SEMA3A: variants seen among roughly 807,000 people sequenced by gnomAD.
SEMA3A encodes the protein semaphorin 3A.
SEMA3A carries 29 observed loss-of-function variants against 97.9 expected under a neutral mutation model. The ratio of observed to expected loss-of-function variants is 0.30; its 90% CI spans 0.22 to 0.40. The LOEUF is 0.40. Ranked by LOEUF, SEMA3A falls within the 10% of genes least tolerant of loss-of-function variation. The pLI is 1.00. For synonymous variants in SEMA3A, 321 were observed against 323.7 expected (o/e 0.99, Z 0.09); for missense variants, 763 against 951.3 (o/e 0.80, Z 2.60).
intron 10 of SEMA3A, 149 bp downstream of exon 10, chr7:84,007,204 T>C: frequency 5.5e-6 from 3 of 541,486 alleles, no homozygotes; most frequent in Non-Finnish European, 5.8e-6. Flanking sequence ...CATTCAATCA[T>C]GGAAAATCTT....
At chr7:84,396,327 T>A (rs201501540) in intron 1 of SEMA3A, among the ~76,000 whole-genome samples, 2 of 150,378 alleles carry the variant, frequency 1.3e-5, no homozygotes, top group African/African-American at 2.4e-5. Flanking sequence ...CAAAATATAT[T>A]ATATTATAAT....
chr7:84,054,214 T>G, intron 5 of SEMA3A, among the ~76,000 whole-genome samples: 1 of 152,246 alleles, frequency 6.6e-6, no homozygotes, highest in Non-Finnish European at 1.5e-5. Context: ...TCTCGAGGAG[T>G]ATCTTTGTGG....
intron 3 of SEMA3A, among the ~76,000 whole-genome samples, chr7:84,268,259 G>A (rs1365338398): frequency 6.7e-6 from 1 of 150,298 alleles, no homozygotes; most frequent in East Asian, 2.0e-4. Flanking sequence ...ATGTGTGTGT[G>A]TGTGTGTGTG....
intron 3 of SEMA3A, among the ~76,000 whole-genome samples, chr7:84,211,503 C>T (rs1798627740): frequency 6.6e-6 from 1 of 151,574 alleles, no homozygotes; most frequent in South Asian, 2.1e-4. Context: ...TGCCTGTAAT[C>T]CCAGCTACTC....
intron 6 of SEMA3A, among the ~76,000 whole-genome samples, chr7:84,037,823 T>C (rs559029985): frequency 6.6e-6 from 1 of 152,182 alleles, no homozygotes; most frequent in East Asian, 1.9e-4. Context: ...AAAATGTATA[T>C]GATAATAAGA....
chr7:84,239,780 C>T (rs1365575560), intron 3 of SEMA3A, among the ~76,000 whole-genome samples: 1 of 151,980 alleles, frequency 6.6e-6, no homozygotes, highest in African/African-American at 2.4e-5. Flanking sequence ...CTTAATGAAA[C>T]TGATTTTGTG....
chr7:84,323,885 A>T (rs1289708142), intron 2 of SEMA3A, among the ~76,000 whole-genome samples: 6 of 152,188 alleles, frequency 3.9e-5, no homozygotes, highest in African/African-American at 1.4e-4. Context: ...GCACAATAGA[A>T]ATATTTACAT....
At position 84,450,149 on chromosome 7, in the gene SEMA3A, A is replaced by C. The variant is rs534664782; in HGVS notation, c.-246+42311T>G. Among the ~76,000 whole-genome samples the C allele has an allele frequency of 3.3e-5, 5 of 152,110 alleles. No individual in the cohort carries two copies. In the South Asian group the frequency reaches 1.0e-3, roughly 32 times the overall value. ...TAGTTTTATATTTAATTTTTTTGGG[A>C]AACCTCCATAATTCCATAGCAGCAC... On this transcript the variant is annotated intron_variant, in intron 1 of 3. Coordinates refer to the SEMA3A transcript ENST00000424555.
intron 1 of SEMA3A, among the ~76,000 whole-genome samples, chr7:84,491,837 ATCT>A (rs1336425942): frequency 1.3e-5 from 2 of 152,126 alleles, no homozygotes; most frequent in African/African-American, 4.8e-5. Context: ...GTTTTAATAT[ATCT>A]TCTTATGTTA....
At chr7:83,974,719 C>A (rs1789068279) in intron 15 of SEMA3A, among the ~76,000 whole-genome samples, 1 of 151,970 alleles carries the variant, frequency 6.6e-6, no homozygotes, top group African/African-American at 2.4e-5. Flanking sequence ...ACCTTAGTTT[C>A]CAAATATTTG....
chr7:83,990,945 C>G (rs1034841920), intron 12 of SEMA3A, among the ~76,000 whole-genome samples: 51 of 152,066 alleles, frequency 3.4e-4, no homozygotes. Context: ...TTCTTCCTAC[C>G]CATGAGCATG....
intron 3 of SEMA3A, among the ~76,000 whole-genome samples, chr7:84,211,247 T>C (rs992570239): frequency 6.6e-6 from 1 of 152,160 alleles, no homozygotes; most frequent in Non-Finnish European, 1.5e-5. Context: ...ATTAGGTTTG[T>C]ACAAAGGAGG....
intron 3 of SEMA3A, among the ~76,000 whole-genome samples, chr7:84,286,528 G>A (rs1161475995): frequency 6.6e-6 from 1 of 152,122 alleles, no homozygotes; most frequent in African/African-American, 2.4e-5. Context: ...CCTATAGTTT[G>A]ATGGATTCAT....
At chr7:84,415,247 T>C (rs1804401061) in intron 1 of SEMA3A, among the ~76,000 whole-genome samples, 1 of 152,088 alleles carries the variant, frequency 6.6e-6, no homozygotes, top group Admixed American at 6.6e-5. Flanking sequence ...AAAATCTGTT[T>C]CATAAATTTC....
At chr7:84,279,742 C>G (rs1457166251) in intron 3 of SEMA3A, among the ~76,000 whole-genome samples, 1 of 152,108 alleles carries the variant, frequency 6.6e-6, no homozygotes, top group Admixed American at 6.6e-5. Context: ...AAATAGTAGA[C>G]TATATGTGAA....
chr7:84,245,608 C>A (rs756558065), intron 3 of SEMA3A, among the ~76,000 whole-genome samples: 1 of 151,644 alleles, frequency 6.6e-6, no homozygotes, highest in Non-Finnish European at 1.5e-5. Flanking sequence ...ATAGTCAGGC[C>A]CCTCTGCTGC....
chr7:84,305,441 G>A (rs949237147), intron 3 of SEMA3A, among the ~76,000 whole-genome samples: 2 of 151,748 alleles, frequency 1.3e-5, no homozygotes, highest in African/African-American at 4.8e-5. Context: ...TCAGATTTTA[G>A]TCATATTTGC....
chr7:83,965,249 T>A (rs544286196), intron 15 of SEMA3A, among the ~76,000 whole-genome samples: 2 of 151,898 alleles, frequency 1.3e-5, no homozygotes, highest in African/African-American at 2.4e-5. Context: ...CGTTTAAACT[T>A]TTCTTTATTA....
At chr7:84,390,366 A>AT (rs1027960164) in intron 1 of SEMA3A, among the ~76,000 whole-genome samples, 87 of 146,600 alleles carry the variant, frequency 5.9e-4, no homozygotes, top group African/African-American at 2.0e-3. Flanking sequence ...TATTATTATT[A>AT]TAGCAGCTGG....
Sources: allele counts gnomAD v4.1 joint callset (sites outside exome capture counted in the v4.1 genomes callset), GRCh38; gene constraint gnomAD v4.1.1; transcripts MANE v1.5; gene names NCBI Gene and HGNC (gene_info 2026-07-23, HGNC 2026-07-21).